INVS: variants seen among roughly 807,000 people sequenced by gnomAD.
The protein encoded by INVS is inversion of embryo turning homolog.
Under a neutral mutation model 108.8 loss-of-function variants are expected in INVS, and 86 were observed. The ratio of observed to expected loss-of-function variants is 0.79; its 90% CI spans 0.66 to 0.95. The LOEUF (loss-of-function observed/expected upper bound fraction) is 0.95, where lower values mean the gene tolerates loss of function less well. Ranked by LOEUF, INVS falls within the 40% of genes least tolerant of loss-of-function variation. The pLI is 0.00. For synonymous variants in INVS, 455 were observed against 473.5 expected, an observed-to-expected ratio of 0.96 and a Z score of 0.51; for missense variants, 1,169 against 1,297.4, an observed-to-expected ratio of 0.90 and a Z score of 1.52.
Position 100,121,342 on chromosome 9 carries a change from A to AGAGGAAGGGATCATAC in INVS, c.107-5039_107-5024dup, listed in dbSNP as rs1827721889. Reference sequence around the variant, plus strand: ...GACATCATAGTCCTGCCCACACTCAAGAGGAAGGGATCATACGGGGCATGT... The same window carrying AGAGGAAGGGATCATAC: ...GACATCATAGTCCTGCCCACACTCAAGAGGAAGGGATCATACGAGGAAGGGATCATACGGGGCATGT... On this transcript the variant is annotated intron_variant, in intron 2 of 16. Transcript: ENST00000262457. 2.0e-5 allele frequency among the ~76,000 whole-genome samples: 3 copies of AGAGGAAGGGATCATAC among 152,200 alleles called. No homozygotes were observed. In the South Asian group the frequency reaches 6.2e-4, roughly 31 times the overall value.
chr9:100,137,227 C>T (rs1181464931), intron 3 of INVS, among the ~76,000 whole-genome samples: 1 of 152,078 alleles, frequency 6.6e-6, no homozygotes, highest in East Asian at 1.9e-4. Context: ...TCTAGGTTTT[C>T]TTTTGATTAG....
intron 4 of INVS, among the ~76,000 whole-genome samples, chr9:100,227,059 T>C (rs1333993123): frequency 1.3e-5 from 2 of 152,186 alleles, no homozygotes; most frequent in African/African-American, 4.8e-5. Flanking sequence ...TGTGCCTCAA[T>C]TTTTGTATGT....
intron 12 of INVS, among the ~76,000 whole-genome samples, chr9:100,278,927 A>G (rs1459632533): frequency 6.6e-6 from 1 of 152,212 alleles, no homozygotes; most frequent in Non-Finnish European, 1.5e-5. Flanking sequence ...AAAAAGAAAG[A>G]GCAAAGGGGC....
At chr9:100,281,924 A>G (rs1457362244) in intron 12 of INVS, among the ~76,000 whole-genome samples, 2 of 152,156 alleles carry the variant, frequency 1.3e-5, no homozygotes, top group South Asian at 4.1e-4. Context: ...GGAATTGAAC[A>G]AGAGAGCTGT....
rs1398038494 is a variant in INVS, at chr9:100,253,087, T to C, written c.1415T>C (p.Met472Thr). 11 of 1,613,898 alleles carry C rather than the reference T, an allele frequency of 6.8e-6. No individual in the cohort carries two copies. The highest frequency in any genetic ancestry group is 4.5e-5 in the East Asian group (2 of 44,870). ...CAAYGGYINC[M>T]AVLMENNADP... ...GCATATGGAGGCTATATCAACTGCA[T>C]GGCAGTTCTCATGGAAAACAATGCA... The change falls in exon 10 of 17, where the codon ATG (methionine) becomes ACG (threonine). Residue 472 changes from methionine (M) to threonine (T), a missense_variant. Physicochemically the swap from Met to Thr is moderately conservative, Grantham distance 81. Coordinates refer to ENST00000262457, the MANE Select transcript of INVS (RefSeq NM_014425.5).
At chr9:100,102,963 C>G (rs1362518844) in intron 1 of INVS, 1 of 152,630 alleles carries the variant, frequency 6.6e-6, no homozygotes, top group Non-Finnish European at 1.5e-5. Context: ...AGCAATTCTC[C>G]TGCCTCAGCC....
chr9:100,293,120 G>A, intron 14 of INVS, 77 bp downstream of exon 14: 3 of 1,415,410 alleles, frequency 2.1e-6, no homozygotes, highest in Non-Finnish European at 3.0e-6. Flanking sequence ...GCTCTTTGAT[G>A]TTTTCCCAGT....
chr9:100,104,294 G>A (rs1167436791), intron 1 of INVS, among the ~76,000 whole-genome samples: 2 of 152,060 alleles, frequency 1.3e-5, no homozygotes, highest in Admixed American at 1.3e-4. Context: ...CAAACTTCTG[G>A]CCTCAAGCAA....
intron 2 of INVS, among the ~76,000 whole-genome samples, chr9:100,118,783 C>T (rs1197028839): frequency 1.3e-5 from 2 of 152,048 alleles, no homozygotes; most frequent in African/African-American, 4.8e-5. Flanking sequence ...GCCTCAGTCT[C>T]CTGAGTAGCT....
chr9:100,300,545 T>TA (rs1564197096), intron 16 of INVS, 23 bp from the exon 17 acceptor site: 1 of 1,397,324 alleles, frequency 7.2e-7, no homozygotes, highest in Admixed American at 1.7e-5. Flanking sequence ...CCTTAATATC[T>TA]ATCTGGTATT....
At chr9:100,283,071 G>A (rs960289303) in intron 12 of INVS, among the ~76,000 whole-genome samples, 1 of 152,202 alleles carries the variant, frequency 6.6e-6, no homozygotes, top group Non-Finnish European at 1.5e-5. Context: ...CCCTTTGGGA[G>A]GCTAAAGCTG....
intron 16 of INVS, among the ~76,000 whole-genome samples, chr9:100,299,680 A>C (rs1049050745): frequency 2.8e-5 from 4 of 142,358 alleles, no homozygotes; most frequent in Non-Finnish European, 4.6e-5. Context: ...ACACACACAC[A>C]CCTGGGCCTA....
intron 1 of INVS, among the ~76,000 whole-genome samples, chr9:100,101,141 C>CT (rs1386037211): frequency 6.9e-6 from 1 of 144,126 alleles, no homozygotes; most frequent in South Asian, 2.1e-4. Context: ...GTATAAAGAA[C>CT]TTTTTTTGTG....
intron 10 of INVS, among the ~76,000 whole-genome samples, chr9:100,257,294 T>A (rs1832452607): frequency 2.0e-5 from 3 of 152,232 alleles, no homozygotes; most frequent in African/African-American, 7.2e-5. Flanking sequence ...ATTTTGAGCC[T>A]ATGTGTGTCT....
At chr9:100,150,630 C>T (rs890148117) in intron 3 of INVS, among the ~76,000 whole-genome samples, 17 of 152,136 alleles carry the variant, frequency 1.1e-4, no homozygotes, top group African/African-American at 3.6e-4. Flanking sequence ...TTTCTAATTA[C>T]CTTATGTCAT....
chr9:100,297,052 C>A lies in INVS; in HGVS notation c.2922C>A (p.Pro974=). The A allele has an allele frequency of 6.2e-7, 1 of 1,613,978 alleles. No individual in the cohort carries two copies. The highest frequency in any genetic ancestry group is 8.5e-7 in the Non-Finnish European group (1 of 1,180,002). Reference sequence around the variant, plus strand: ...GGAAGGAACTGGAACTAAAATTCCCCCAAACCACTGCAGTAAGCAAGGCCC... The same window carrying A: ...GGAAGGAACTGGAACTAAAATTCCCACAAACCACTGCAGTAAGCAAGGCCC... The part of the protein sequence containing the change: ...VWRKELELKF[P]QTTAVSKAPK... Residue 974 remains proline, a synonymous_variant, in exon 15 of 17, where the codon CCC becomes CCA. Transcript: ENST00000262457.
chr9:100,126,564 T>C lies in INVS; in HGVS notation c.273+15T>C. On this transcript the variant is annotated intron_variant, in intron 3 of 16. Coordinates refer to ENST00000262457, the MANE Select transcript of INVS (RefSeq NM_014425.5). ...CAGCCCAGAAGGTGAGAAGTAAAAT[T>C]TCCTTGAAGAGTAAATGTTTTGTGT... 1.9e-6 allele frequency: 3 copies of C among 1,613,674 alleles called. No individual in the cohort carries two copies. Among genetic ancestry groups the C allele is most frequent in the Non-Finnish European group, 2.5e-6 (3 of 1,179,608 alleles).
intron 3 of INVS, among the ~76,000 whole-genome samples, chr9:100,193,452 G>A (rs758697614): frequency 1.3e-5 from 2 of 152,086 alleles, no homozygotes; most frequent in African/African-American, 4.8e-5. Flanking sequence ...TTCCTTCTGC[G>A]TATTTAGTAT....
At chr9:100,240,327 C>A (rs1831826794) in intron 6 of INVS, 87 bp downstream of exon 6, 2 of 939,758 alleles carry the variant, frequency 2.1e-6, no homozygotes, top group East Asian at 4.9e-5. Context: ...TTACTCCCAA[C>A]TCCTAGTTAA....
Sources: gnomAD v4.1 joint callset for allele counts (sites outside exome capture counted in the v4.1 genomes callset) on GRCh38, gnomAD v4.1.1 for gene constraint, MANE v1.5 for transcripts, NCBI Gene and HGNC (gene_info 2026-07-23, HGNC 2026-07-21) for gene names.